FAM186B: variants seen among roughly 807,000 people sequenced by gnomAD.
FAM186B encodes the protein family with sequence similarity 186 member B.
A neutral mutation model predicts 83.4 loss-of-function variants in FAM186B; 68 were observed. That is an observed-to-expected ratio of 0.81 (90% CI 0.67 to 1.00). The LOEUF is 1.00. FAM186B is among the 50% of genes least tolerant of loss of function. The pLI is 0.00. For missense variants in FAM186B, 983 were observed against 1,099.2 expected (o/e 0.89, Z 1.49); for synonymous variants, 389 against 422.0 (o/e 0.92, Z 0.96).
chr12:49,594,748 G>A (rs1939673078), intron 5 of FAM186B, among the ~76,000 whole-genome samples: 1 of 152,106 alleles, frequency 6.6e-6, no homozygotes, highest in South Asian at 2.1e-4. Context: ...GGTGGCGCAT[G>A]CCTGTAATCC....
rs567495276 is a variant in FAM186B, at chr12:49,603,103, C to A, written c.505+82G>T. 200 of 1,468,330 alleles carry A rather than the reference C, an allele frequency of 1.4e-4. 2 individuals carry two copies. The South Asian group carries it at 2.2e-3, about 16-fold the overall frequency. The allele number at this position is 1,468,330 out of a possible 1,614,324, so 91.0% of individuals were successfully genotyped here. A position where few individuals can be genotyped will look rare whatever the true frequency, so the allele number is the denominator to read the frequency against. Reference sequence around the variant, plus strand: ...GTGATGGAGGAGAATCAGAAAGACCCCAGGCCCAGCCTCTGACTTCCCCTG... The same window carrying A: ...GTGATGGAGGAGAATCAGAAAGACCACAGGCCCAGCCTCTGACTTCCCCTG... On this transcript the variant is annotated intron_variant, in intron 3 of 6. Coordinates refer to ENST00000257894, the MANE Select transcript of FAM186B (RefSeq NM_032130.3).
At position 49,599,549 on chromosome 12, in the gene FAM186B, G is replaced by A. The variant is rs1417823156; in HGVS notation, c.2091C>T (p.Thr697=). ...YLRSKALELT[T]TTMELGALRL... Reference sequence around the variant, plus strand: ...TGAGCGCGCCCAGCTCCATGGTGGTGGTGGTGAGCTCCAGTGCTTTGCTGC... The same window carrying A: ...TGAGCGCGCCCAGCTCCATGGTGGTAGTGGTGAGCTCCAGTGCTTTGCTGC... Residue 697 remains threonine, a synonymous_variant, in exon 4 of 7, where the codon ACC becomes ACT. Coordinates refer to ENST00000257894, the MANE Select transcript of FAM186B (RefSeq NM_032130.3). The A allele has an allele frequency of 6.2e-7, 1 of 1,610,644 alleles. No individual in the cohort carries two copies. Among genetic ancestry groups the A allele is most frequent in the Non-Finnish European group, 8.5e-7 (1 of 1,178,400 alleles).
the FAM186B span, among the ~76,000 whole-genome samples, chr12:49,612,256 G>A: frequency 7.9e-5 from 12 of 151,928 alleles, no homozygotes; most frequent in African/African-American, 2.9e-4. Context: ...CACACATAAT[G>A]ATACCAACAG....
chr12:49,584,986 C>T (rs538278510), downstream of FAM186B, among the ~76,000 whole-genome samples: 3 of 152,150 alleles, frequency 2.0e-5, no homozygotes, highest in East Asian at 3.9e-4. Context: ...ATGTGCATCT[C>T]GGTGTACACG....
chr12:49,622,327 C>G, the FAM186B span, among the ~76,000 whole-genome samples: 6 of 152,018 alleles, frequency 3.9e-5, no homozygotes, highest in Admixed American at 1.3e-4. Context: ...GTGGGCAGTA[C>G]AGGGAGACGT....
At position 49,587,531 on chromosome 12, in the gene FAM186B, G is replaced by A. The variant is rs1301610797; in HGVS notation, c.*74C>T. ...TAAAGCCTGGAGAGAGATTTATTGGGGAGAATCCACATTGACCATCAGCCT... is the reference window on the plus strand; with the variant it reads ...TAAAGCCTGGAGAGAGATTTATTGGAGAGAATCCACATTGACCATCAGCCT... On this transcript the variant is annotated 3_prime_UTR_variant, in exon 7 of 7. Transcript: ENST00000257894. 6.4e-6 allele frequency: 10 copies of A among 1,573,848 alleles called. No homozygotes were observed. Among genetic ancestry groups the A allele is most frequent in the Non-Finnish European group, 7.9e-6 (9 of 1,143,542 alleles).
At chr12:49,603,137 C>G (rs753444945) in intron 3 of FAM186B, 48 bp downstream of exon 3, 1 of 1,604,558 alleles carries the variant, frequency 6.2e-7, no homozygotes, top group Non-Finnish European at 8.5e-7. Flanking sequence ...TGCCATGGCT[C>G]CACCCCGTCC....
chr12:49,615,443 A>C, the FAM186B span, among the ~76,000 whole-genome samples: 1 of 152,252 alleles, frequency 6.6e-6, no homozygotes, highest in Non-Finnish European at 1.5e-5. Flanking sequence ...GAGCTACTAC[A>C]ACTCAACAAG....
At chr12:49,612,284 G>C in the FAM186B span, among the ~76,000 whole-genome samples, 1 of 151,300 alleles carries the variant, frequency 6.6e-6, no homozygotes, top group Non-Finnish European at 1.5e-5. Flanking sequence ...ATAAAGGGTT[G>C]AAGAAAGATC....
chr12:49,605,381 C>G lies in FAM186B; in HGVS notation c.96+1G>C, dbSNP rs750699758. The G allele has an allele frequency of 3.1e-6, 5 of 1,611,832 alleles. No homozygotes were observed. Among genetic ancestry groups the G allele is most frequent in the Non-Finnish European group, 3.4e-6 (4 of 1,179,138 alleles). ...AGTGATTCCTTCATCTCAGGGGCTACCTCTTGAGCCCGAGTTAGCTGGGCA... is the reference window on the plus strand; with the variant it reads ...AGTGATTCCTTCATCTCAGGGGCTAGCTCTTGAGCCCGAGTTAGCTGGGCA... On this transcript the variant is annotated splice_donor_variant, in intron 1 of 6. Coordinates refer to ENST00000257894, the MANE Select transcript of FAM186B (RefSeq NM_032130.3). LOFTEE classifies it high-confidence loss of function.
the FAM186B span, chr12:49,619,527 C>T: frequency 1.4e-6 from 1 of 699,530 alleles, no homozygotes; most frequent in Non-Finnish European, 2.7e-6. Context: ...ATGTGTGTGG[C>T]AGCCCAAGGC....
chr12:49,606,414 G>C (rs572201365), upstream of FAM186B, among the ~76,000 whole-genome samples: 1 of 151,736 alleles, frequency 6.6e-6, no homozygotes, highest in East Asian at 1.9e-4. Context: ...AGGATCACTT[G>C]AGCCCAGGAG....
At position 49,587,527 on chromosome 12, in the gene FAM186B, T is replaced by A. The variant is rs553938093; in HGVS notation, c.*78A>T. ...TTGTTAAAGCCTGGAGAGAGATTTA[T>A]TGGGGAGAATCCACATTGACCATCA... On this transcript the variant is annotated 3_prime_UTR_variant, in exon 7 of 7. Coordinates refer to ENST00000257894, the MANE Select transcript of FAM186B (RefSeq NM_032130.3). 1.9e-6 allele frequency: 3 copies of A among 1,565,896 alleles called. No individual in the cohort carries two copies. In the African/African-American group the frequency reaches 4.1e-5, roughly 21 times the overall value.
At chr12:49,620,670 A>T in the FAM186B span, among the ~76,000 whole-genome samples, 2 of 147,318 alleles carry the variant, frequency 1.4e-5, no homozygotes, top group Non-Finnish European at 2.9e-5. Flanking sequence ...AGAATAACTT[A>T]TGAATTCTAG....
At chr12:49,594,178 G>A (rs1939657477) in intron 5 of FAM186B, 4 of 278,536 alleles carry the variant, frequency 1.4e-5, no homozygotes, top group Non-Finnish European at 3.0e-5. Flanking sequence ...AAAATCCAGG[G>A]ATCCAATCAG....
At chr12:49,584,632 G>A (rs539319368), downstream of FAM186B, 2 of 702,320 alleles carry the variant, frequency 2.8e-6, no homozygotes, top group South Asian at 3.0e-5. Flanking sequence ...AGTTAGTAGA[G>A]TTACAGGTGG....
At chr12:49,621,507 C>T in the FAM186B span, among the ~76,000 whole-genome samples, 35 of 152,252 alleles carry the variant, frequency 2.3e-4, no homozygotes, top group Admixed American at 5.2e-4. Flanking sequence ...CAGTCTCCAG[C>T]AGTGATGTCT....
At chr12:49,606,341 A>T (rs1940020006), upstream of FAM186B, among the ~76,000 whole-genome samples, 1 of 151,860 alleles carries the variant, frequency 6.6e-6, no homozygotes, top group African/African-American at 2.4e-5. Flanking sequence ...AAAAAAATTT[A>T]AAAAATAGCC....
Position 49,599,858 on chromosome 12 carries a change from C to CA in FAM186B, c.1781dup (p.Leu594PhefsTer6). The CA allele has an allele frequency of 6.2e-7, 1 of 1,607,824 alleles. No individual in the cohort carries two copies. The highest frequency in any genetic ancestry group is 8.5e-7 in the Non-Finnish European group (1 of 1,176,484). On this transcript the variant is annotated frameshift_variant, in exon 4 of 7. Transcript: ENST00000257894. LOFTEE classifies it high-confidence loss of function. ...GCTGCTGGGTACTAGGAGACATGGGCAAGTGTGGCCTCCTGCTTTGGTGAG... is the reference window on the plus strand; with the variant it reads ...GCTGCTGGGTACTAGGAGACATGGGCAAAGTGTGGCCTCCTGCTTTGGTGAG...
Sources: gnomAD v4.1 joint callset for allele counts (sites outside exome capture counted in the v4.1 genomes callset) on GRCh38, gnomAD v4.1.1 for gene constraint, MANE v1.5 for transcripts, NCBI Gene and HGNC (gene_info 2026-07-23, HGNC 2026-07-21) for gene names.